The following PIWIL2 variants were observed in gnomAD, a reference collection of about 807,000 sequenced individuals.
PIWIL2 encodes the protein piwi like RNA-mediated gene silencing 2, also known as piwi-like protein 2.
PIWIL2 carries 81 observed loss-of-function variants against 116.5 expected under a neutral mutation model. The observed-to-expected ratio is 0.70, with a 90% CI of 0.58 to 0.84. The LOEUF is 0.84. Among genes scored for constraint, PIWIL2 ranks in the 40% least tolerant of loss-of-function variants. The pLI is 0.00. For missense variants in PIWIL2, 1,272 were observed against 1,212.3 expected, an observed-to-expected ratio of 1.05 and a Z score of -0.73; for synonymous variants, 489 against 429.5, an observed-to-expected ratio of 1.14 and a Z score of -1.71.
chr8:22,316,104 C>CTTTTTTTTTTTTTTTTTTTTTTT, intron 18 of PIWIL2, 141 bp from the exon 19 acceptor site: 1 of 541,608 alleles, frequency 1.8e-6, no homozygotes, highest in Non-Finnish European at 3.3e-6. Context: ...AGTTGATTGT[C>CTTTTTTTTTTTTTTTTTTTTTTT]TTTTTTTTTT....
intron 10 of PIWIL2, among the ~76,000 whole-genome samples, chr8:22,297,827 G>T (rs536734154): frequency 2.6e-5 from 4 of 152,298 alleles, no homozygotes; most frequent in African/African-American, 9.6e-5. Flanking sequence ...AGGCTCTCAG[G>T]AAAGGCCTAA....
chr8:22,303,470 T>C (rs1286144251), intron 10 of PIWIL2, among the ~76,000 whole-genome samples: 1 of 152,194 alleles, frequency 6.6e-6, no homozygotes, highest in East Asian at 1.9e-4. Context: ...TAGCTCACTG[T>C]AGCCTCAAAC....
chr8:22,286,443 G>T (rs1027709702), intron 6 of PIWIL2, among the ~76,000 whole-genome samples: 1 of 152,146 alleles, frequency 6.6e-6, no homozygotes, highest in Non-Finnish European at 1.5e-5. Flanking sequence ...GGGGAAATTG[G>T]ATCCCAGGAA....
chr8:22,287,657 C>T lies in PIWIL2; in HGVS notation c.861+12C>T. 1 of 1,487,886 alleles carries T rather than the reference C, an allele frequency of 6.7e-7. No individual in the cohort carries two copies. The highest frequency in any genetic ancestry group is 9.4e-7 in the Non-Finnish European group (1 of 1,064,588). 92.2% of individuals were successfully genotyped at this position (1,487,886 alleles called of 1,614,324 possible). The stretch of plus-strand genomic sequence containing the variant: ...TTAAGCTTCAACAAGTGAGACCAAA[C>T]AGGAAATGGACTTTGAGATGAACCC... On this transcript the variant is annotated intron_variant, in intron 7 of 22. Transcript: ENST00000356766.
At chr8:22,277,269 G>A (rs1438187555) in intron 1 of PIWIL2, among the ~76,000 whole-genome samples, 4 of 152,048 alleles carry the variant, frequency 2.6e-5, no homozygotes, top group African/African-American at 7.2e-5. Context: ...TGATCCACCC[G>A]CCTCGGCCTC....
intron 16 of PIWIL2, 56 bp downstream of exon 16, chr8:22,311,356 C>A: frequency 7.2e-7 from 1 of 1,389,962 alleles, no homozygotes; most frequent in Non-Finnish European, 1.0e-6. Flanking sequence ...TACTTAAATA[C>A]TTAATTTTAA....
chr8:22,300,959 G>A (rs750924906), intron 10 of PIWIL2, among the ~76,000 whole-genome samples: 15 of 150,406 alleles, frequency 1.0e-4, no homozygotes, highest in African/African-American at 2.9e-4. Context: ...CTTCCATTTT[G>A]TAGCTTGTCT....
chr8:22,306,142 C>T, intron 13 of PIWIL2, 126 bp downstream of exon 13: 1 of 659,952 alleles, frequency 1.5e-6, no homozygotes. Context: ...CTGGGCCTGT[C>T]CATTCTTCCA....
At chr8:22,311,088 C>G in intron 15 of PIWIL2, 24 bp from the exon 16 acceptor site, 1 of 1,569,656 alleles carries the variant, frequency 6.4e-7, no homozygotes, top group East Asian at 2.3e-5. Flanking sequence ...GTGAGAAATA[C>G]TAAAAGCTCT....
intron 20 of PIWIL2, among the ~76,000 whole-genome samples, chr8:22,318,998 G>A (rs1054938654): frequency 1.3e-5 from 2 of 152,076 alleles, no homozygotes; most frequent in Admixed American, 6.6e-5. Context: ...ATCACCCCTC[G>A]AACTCTAAAG....
intron 10 of PIWIL2, among the ~76,000 whole-genome samples, chr8:22,302,419 T>G (rs1051696407): frequency 2.6e-5 from 4 of 152,156 alleles, no homozygotes; most frequent in Non-Finnish European, 5.9e-5. Flanking sequence ...GACATCATGA[T>G]CCGCCCACCT....
chr8:22,287,285 G>A (rs1169704542), intron 6 of PIWIL2, among the ~76,000 whole-genome samples: 4 of 152,214 alleles, frequency 2.6e-5, no homozygotes, highest in South Asian at 2.1e-4. Context: ...ATACACTGAC[G>A]TGCTAAGGCA....
At chr8:22,293,855 A>G (rs1830822516) in intron 10 of PIWIL2, among the ~76,000 whole-genome samples, 1 of 152,104 alleles carries the variant, frequency 6.6e-6, no homozygotes, top group African/African-American at 2.4e-5. Context: ...GGTTTTTGAT[A>G]TTTGTCAGAA....
At chr8:22,286,146 CT>C (rs1287617715) in intron 6 of PIWIL2, among the ~76,000 whole-genome samples, 2 of 152,100 alleles carry the variant, frequency 1.3e-5, no homozygotes, top group Admixed American at 1.3e-4. Context: ...AGGTGGTTGA[CT>C]TTGGCCACAG....
At chr8:22,315,853 TG>T (rs1299117209) in intron 18 of PIWIL2, among the ~76,000 whole-genome samples, 7 of 152,220 alleles carry the variant, frequency 4.6e-5, no homozygotes, top group Admixed American at 4.6e-4. Context: ...TTTAGATTTC[TG>T]GGGGTTTGGG....
intron 20 of PIWIL2, among the ~76,000 whole-genome samples, chr8:22,337,461 G>A (rs1436049137): frequency 1.3e-5 from 2 of 152,020 alleles, no homozygotes; most frequent in Admixed American, 6.6e-5. Flanking sequence ...AGGCACAGTG[G>A]CACACACCTG....
At chr8:22,340,886 A>T (rs965660059) in intron 20 of PIWIL2, among the ~76,000 whole-genome samples, 6 of 151,826 alleles carry the variant, frequency 4.0e-5, no homozygotes, top group Non-Finnish European at 7.4e-5. Flanking sequence ...TAATTTTTTA[A>T]TTTTTTTGTA....
At chr8:22,307,473 A>AT (rs56755716) in intron 13 of PIWIL2, among the ~76,000 whole-genome samples, 2,252 of 111,038 alleles carry the variant, frequency 0.02, 139 homozygotes, top group Non-Finnish European at 0.032. Flanking sequence ...TTTATTATTC[A>AT]TTTTTTTTTT....
intron 7 of PIWIL2, 98 bp downstream of exon 7, chr8:22,287,743 T>C: frequency 1.3e-6 from 1 of 778,590 alleles, no homozygotes; most frequent in South Asian, 1.4e-5. Flanking sequence ...CTTGCTATGT[T>C]GCCCAGACTG....
Sources: gnomAD v4.1 joint callset for allele counts (sites outside exome capture counted in the v4.1 genomes callset) on GRCh38, gnomAD v4.1.1 for gene constraint, MANE v1.5 for transcripts, NCBI Gene and HGNC (gene_info 2026-07-23, HGNC 2026-07-21) for gene names.